The following STS variants were observed in gnomAD, a reference collection of about 807,000 sequenced individuals.
STS encodes the protein steroid sulfatase, also known as steryl-sulfatase.
In STS, 7 loss-of-function variants were observed where a neutral mutation model predicts 26.8. The observed-to-expected ratio is 0.26, with a 90% CI of 0.15 to 0.49. The LOEUF (loss-of-function observed/expected upper bound fraction) is 0.49. Ranked by LOEUF, STS falls within the 20% of genes least tolerant of loss-of-function variation. The pLI is 0.98. For missense variants in STS, 434 were observed against 465.6 expected, an observed-to-expected ratio of 0.93 and a Z score of 0.63; for synonymous variants, 199 against 189.4, an observed-to-expected ratio of 1.05 and a Z score of -0.42.
chrX:7,319,632 G>A (rs750373146), intron 8 of STS, among the ~76,000 whole-genome samples: 1 of 109,712 alleles, frequency 9.1e-6, no homozygotes, highest in South Asian at 3.9e-4. Flanking sequence ...AAATTCGCTC[G>A]GTGCCTCAGT....
intron 2 of STS, among the ~76,000 whole-genome samples, chrX:7,199,007 A>G (rs1002442547): frequency 1.8e-5 from 2 of 111,588 alleles, no homozygotes; most frequent in East Asian, 5.6e-4. Flanking sequence ...CCTTACTGAC[A>G]ATCACTTAAT....
At chrX:7,335,690 G>A (rs1159536248) in intron 10 of STS, among the ~76,000 whole-genome samples, 22 of 111,920 alleles carry the variant, frequency 2.0e-4, no homozygotes, top group Non-Finnish European at 2.6e-4. Context: ...GCCCATGCCT[G>A]TGTCCTGAAT....
At chrX:7,291,817 C>A (rs1925431632) in intron 7 of STS, among the ~76,000 whole-genome samples, 1 of 111,263 alleles carries the variant, frequency 9.0e-6, no homozygotes, top group Admixed American at 9.6e-5. Flanking sequence ...AAGACAATAG[C>A]CAGAACAAAA....
chrX:7,248,607 G>A (rs761933591), intron 2 of STS, among the ~76,000 whole-genome samples: 2 of 111,784 alleles, frequency 1.8e-5, no homozygotes, highest in African/African-American at 3.3e-5. Flanking sequence ...AGAAAGGATT[G>A]CGTTATTTTA....
intron 1 of STS, among the ~76,000 whole-genome samples, chrX:7,173,084 C>T (rs995414730): frequency 9.0e-6 from 1 of 110,904 alleles, no homozygotes; most frequent in Non-Finnish European, 1.9e-5. Flanking sequence ...TGGTGCTCTA[C>T]CCCCAGCCTA....
At chrX:7,220,402 C>T (rs1378455870) in intron 2 of STS, among the ~76,000 whole-genome samples, 1 of 110,877 alleles carries the variant, frequency 9.0e-6, no homozygotes, top group African/African-American at 3.3e-5. Flanking sequence ...TGGACACTGT[C>T]CCAGCTGTGG....
At chrX:7,275,806 A>G (rs1302826812) in intron 6 of STS, 145 bp from the exon 7 acceptor site, 3 of 686,028 alleles carry the variant, frequency 4.4e-6, no homozygotes, top group Non-Finnish European at 6.4e-6. Context: ...AGAAGATACC[A>G]TATTAGGCAA....
intron 10 of STS, among the ~76,000 whole-genome samples, chrX:7,342,725 G>C (rs1601763404): frequency 2.7e-5 from 3 of 112,615 alleles, no homozygotes; most frequent in Admixed American, 9.4e-5. Context: ...AGATGGCAGT[G>C]AACCTCAGGG....
At chrX:7,191,987 C>T (rs779986786) in intron 2 of STS, among the ~76,000 whole-genome samples, 46 of 112,513 alleles carry the variant, frequency 4.1e-4, no homozygotes, top group Non-Finnish European at 7.3e-4. Flanking sequence ...TGTTATTTTA[C>T]ACCTGTTCTT....
intron 7 of STS, among the ~76,000 whole-genome samples, chrX:7,285,288 T>G: frequency 1.8e-5 from 2 of 111,570 alleles, no homozygotes; most frequent in Middle Eastern, 9.2e-3. Flanking sequence ...AAATTCCCCA[T>G]GCAGATTGTG....
At chrX:7,206,067 A>G (rs1934222969) in intron 2 of STS, among the ~76,000 whole-genome samples, 1 of 111,646 alleles carries the variant, frequency 9.0e-6, no homozygotes, top group Non-Finnish European at 1.9e-5. Flanking sequence ...TCTGTATCCT[A>G]AGGTTCCATG....
rs111584074 is a variant in STS, at chrX:7,211,123, A to G, written c.-5+20115A>G. ...CTCTTGCTCCTAAGTGAAACTTTGT[A>G]TCCTTAGACCAACATCTCCCCAATG... is the stretch of plus-strand genomic sequence containing the variant. On this transcript the variant is annotated intron_variant, in intron 2 of 10. Transcript: ENST00000674429. Among the ~76,000 whole-genome samples, 437 of 111,939 alleles carry G rather than the reference A, an allele frequency of 3.9e-3. 2 individuals carry two copies. The highest frequency in any genetic ancestry group is 0.014 in the African/African-American group (422 of 30,844).
At chrX:7,219,679 C>G in intron 2 of STS, 3 of 1,211,694 alleles carry the variant, frequency 2.5e-6, no homozygotes, top group South Asian at 1.8e-5. Context: ...GCTGGAGATG[C>G]CTTTAAGGTA....
At chrX:7,344,025 G>A (rs779694434) in intron 10 of STS, among the ~76,000 whole-genome samples, 7 of 111,696 alleles carry the variant, frequency 6.3e-5, no homozygotes, top group Non-Finnish European at 1.3e-4. Context: ...TTATCACCAC[G>A]CCTTGGGACT....
At chrX:7,217,816 A>G (rs1371064555) in intron 2 of STS, among the ~76,000 whole-genome samples, 1 of 111,911 alleles carries the variant, frequency 8.9e-6, no homozygotes, top group Non-Finnish European at 1.9e-5. Context: ...CATATTAAAT[A>G]TGTTTTAATA....
At position 7,343,182 on chromosome X, in the gene STS, C is replaced by T. The variant is rs1601763726; in HGVS notation, c.1364-6706C>T. 2.7e-5 allele frequency among the ~76,000 whole-genome samples: 3 copies of T among 111,748 alleles called. 1 individual carries two copies. The highest frequency in any genetic ancestry group is 9.5e-5 in the Admixed American group (1 of 10,549). On this transcript the variant is annotated intron_variant, in intron 10 of 10. Coordinates refer to ENST00000674429, the MANE Select transcript of STS (RefSeq NM_001320752.2). ...TGATATATACATGCAGTCTTCCAAG[C>T]ACCCAAAATAAATCTCGCCAAAACT...
intron 1 of STS, among the ~76,000 whole-genome samples, chrX:7,182,579 C>A (rs1933701756): frequency 4.5e-5 from 5 of 110,847 alleles, no homozygotes; most frequent in Non-Finnish European, 1.9e-5. Context: ...GTGCTTTGAA[C>A]AACAGTAAGT....
chrX:7,279,359 A>ATGTGTGTGTGTGTGTGTGTG, intron 7 of STS, among the ~76,000 whole-genome samples: 1 of 56,086 alleles, frequency 1.8e-5, no homozygotes, highest in Non-Finnish European at 3.1e-5. Context: ...GTGTGTGTGT[A>ATGTGTGTGTGTGTGTGTGTG]TATGTGTGTG....
intron 2 of STS, among the ~76,000 whole-genome samples, chrX:7,239,714 G>A (rs1254228793): frequency 9.0e-6 from 1 of 111,374 alleles, no homozygotes; most frequent in African/African-American, 3.3e-5. Context: ...ATTTTGGAGT[G>A]GAGCAGCTTT....
Sources: allele counts gnomAD v4.1 joint callset (sites outside exome capture counted in the v4.1 genomes callset), GRCh38; gene constraint gnomAD v4.1.1; transcripts MANE v1.5; gene names NCBI Gene and HGNC (gene_info 2026-07-23, HGNC 2026-07-21).